The following NUP155 variants were observed in gnomAD, a reference collection of about 807,000 sequenced individuals.
The protein encoded by NUP155 is nucleoporin 155, also known as nuclear pore complex protein Nup155.
In NUP155, 71 loss-of-function variants were observed where a neutral mutation model predicts 180.4. The observed-to-expected ratio is 0.39, with a 90% confidence interval of 0.33 to 0.48. The LOEUF (loss-of-function observed/expected upper bound fraction) is 0.48. NUP155 is among the 20% of genes least tolerant of loss of function. The pLI is 0.91. For synonymous variants in NUP155, 582 were observed against 559.5 expected (o/e 1.04, Z -0.57); for missense variants, 1,553 against 1,648.9 (o/e 0.94, Z 1.01).
At chr5:37,341,448 G>C (rs1179124407) in intron 10 of NUP155, among the ~76,000 whole-genome samples, 1 of 152,006 alleles carries the variant, frequency 6.6e-6, no homozygotes, top group African/African-American at 2.4e-5. Context: ...TGCAACCTCC[G>C]CCTCCCGGGT....
intron 21 of NUP155, among the ~76,000 whole-genome samples, chr5:37,315,838 G>T (rs147035220): frequency 6.6e-6 from 1 of 152,202 alleles, no homozygotes; most frequent in Non-Finnish European, 1.5e-5. Flanking sequence ...AGCTACTCGG[G>T]AGGCTGAGGC....
intron 20 of NUP155, among the ~76,000 whole-genome samples, chr5:37,321,472 A>G (rs1744239233): frequency 6.6e-6 from 1 of 152,200 alleles, no homozygotes; most frequent in African/African-American, 2.4e-5. Flanking sequence ...TAATCCCAGC[A>G]CTTTGGGAGG....
chr5:37,363,807 G>A, intron 3 of NUP155, 81 bp downstream of exon 3: 1 of 919,692 alleles, frequency 1.1e-6, no homozygotes, highest in Non-Finnish European at 1.8e-6. Context: ...AAACCAAGCA[G>A]CTTCTAATGA....
intron 3 of NUP155, 44 bp downstream of exon 3, chr5:37,363,844 T>C (rs1179094718): frequency 7.9e-7 from 1 of 1,272,228 alleles, no homozygotes; most frequent in East Asian, 2.3e-5. Context: ...AAAGTTTATA[T>C]AAATTCCAAT....
intron 27 of NUP155, 131 bp downstream of exon 27, chr5:37,304,608 C>G: frequency 1.4e-6 from 1 of 713,996 alleles, no homozygotes; most frequent in Non-Finnish European, 2.5e-6. Context: ...CTGCATTACT[C>G]AGCTTTATAC....
Position 37,299,022 on chromosome 5 carries a change from A to G in NUP155, c.3683-44T>C, listed in dbSNP as rs1742729462. 5 of 1,088,250 alleles carry G rather than the reference A, an allele frequency of 4.6e-6. No homozygotes were observed. In the East Asian group the frequency reaches 1.2e-4, roughly 26 times the overall value. 67.4% of individuals were successfully genotyped at this position (1,088,250 alleles called of 1,614,324 possible). On this transcript the variant is annotated intron_variant, in intron 31 of 34. Coordinates refer to ENST00000231498, the MANE Select transcript of NUP155 (RefSeq NM_153485.3). ...TCATTTGAAACCCAAATTACTTTTA[A>G]TGTGAAATGTTTACATTGGTTATTT...
intron 32 of NUP155, among the ~76,000 whole-genome samples, chr5:37,295,766 C>T (rs1284599811): frequency 6.6e-6 from 1 of 151,674 alleles, no homozygotes; most frequent in East Asian, 1.9e-4. Flanking sequence ...AGACCCTCTG[C>T]CTGGCAACCG....
chr5:37,350,875 A>G (rs964508424), intron 6 of NUP155, among the ~76,000 whole-genome samples: 1 of 152,020 alleles, frequency 6.6e-6, no homozygotes, highest in Non-Finnish European at 1.5e-5. Context: ...CCAAGTGAAA[A>G]CACATATTTG....
intron 25 of NUP155, among the ~76,000 whole-genome samples, chr5:37,306,317 T>C (rs1743151714): frequency 1.3e-5 from 2 of 152,212 alleles, no homozygotes; most frequent in South Asian, 4.1e-4. Context: ...GGAGGATCAC[T>C]GGATCACTTG....
In NUP155 at chr5:37,300,026, A is replaced by G. The variant is rs937226495; in HGVS notation, c.3562-458T>C. On this transcript the variant is annotated intron_variant, in intron 30 of 34. Coordinates refer to ENST00000231498, the MANE Select transcript of NUP155 (RefSeq NM_153485.3). Reference sequence around the variant, plus strand: ...GAGAAAGACTCTGTCTCCCCCCGCCAAAAAAAAAAAAAAAGGGTAAGGGTA... The same window carrying G: ...GAGAAAGACTCTGTCTCCCCCCGCCGAAAAAAAAAAAAAAGGGTAAGGGTA... 1.5e-4 allele frequency among the ~76,000 whole-genome samples: 20 copies of G among 133,920 alleles called. No homozygotes were observed. In the East Asian group the frequency reaches 2.1e-3, roughly 14 times the overall value. 87.9% of individuals were successfully genotyped at this position (133,920 alleles called of 152,430 possible).
chr5:37,316,646 G>A (rs1743905043), intron 21 of NUP155, among the ~76,000 whole-genome samples: 1 of 151,808 alleles, frequency 6.6e-6, no homozygotes, highest in Admixed American at 6.6e-5. Flanking sequence ...TGTATTTTTG[G>A]TAGAGATGGG....
intron 21 of NUP155, among the ~76,000 whole-genome samples, chr5:37,315,574 A>AAT (rs1743831991): frequency 6.9e-6 from 1 of 144,030 alleles, no homozygotes; most frequent in Non-Finnish European, 1.5e-5. Flanking sequence ...TATATATAAA[A>AAT]GGACAGAAAA....
rs1485952631 is a variant in NUP155, at chr5:37,299,464, T to C, written c.3666A>G (p.Gln1222=). 5 of 1,614,004 alleles carry C rather than the reference T, an allele frequency of 3.1e-6. No homozygotes were observed. The highest frequency in any genetic ancestry group is 3.3e-5 in the Admixed American group (2 of 59,998). The part of the protein sequence containing the change: ...SDPILVQTLW[Q]DIIEKELSDS... ...AACACTTACCTTTCTCTATGATATC[T>C]TGCCAAAGTGTCTGCACCAATATAG... The change falls in exon 31 of 35, where the codon CAA becomes CAG. Residue 1222 remains glutamine (Q), a synonymous_variant. Transcript: ENST00000231498.
chr5:37,291,288 C>A lies in NUP155; in HGVS notation c.*612G>T. The A allele has an allele frequency of 6.5e-6, 1 of 152,834 alleles. No homozygotes were observed. Among genetic ancestry groups the A allele is most frequent in the Non-Finnish European group, 1.5e-5 (1 of 68,472 alleles). The allele number at this position is 152,834 out of a possible 1,614,324, so 9.5% of individuals were successfully genotyped here. ...ACAGAGTCTCGCCCTGTTGCCTGGG[C>A]TGGAGTGCAATGGTGCGATTTTGAC... On this transcript the variant is annotated 3_prime_UTR_variant, in exon 35 of 35. Coordinates refer to ENST00000231498, the MANE Select transcript of NUP155 (RefSeq NM_153485.3).
intron 18 of NUP155, 89 bp downstream of exon 18, chr5:37,327,540 A>T: frequency 6.9e-7 from 1 of 1,449,792 alleles, no homozygotes; most frequent in Non-Finnish European, 9.7e-7. Flanking sequence ...AATAGGAATA[A>T]ATGATGTCCC....
chr5:37,351,692 G>A (rs1746469892), intron 5 of NUP155, among the ~76,000 whole-genome samples: 1 of 151,432 alleles, frequency 6.6e-6, no homozygotes, highest in Non-Finnish European at 1.5e-5. Flanking sequence ...CTCGTGATCC[G>A]CCTGCCTCGG....
At position 37,310,598 on chromosome 5, in the gene NUP155, T is replaced by G. The variant is rs373561180; in HGVS notation, c.2582A>C (p.Asp861Ala). 2 of 1,613,464 alleles carry G rather than the reference T, an allele frequency of 1.2e-6. No homozygotes were observed. The highest frequency in any genetic ancestry group is 2.7e-5 in the African/African-American group (2 of 74,898). Residue 861 changes from aspartate to alanine, a missense_variant, in exon 23 of 35, where the codon GAT becomes GCT. Coordinates refer to ENST00000231498, the MANE Select transcript of NUP155 (RefSeq NM_153485.3). ...AGTGCTATATAGAAGTGGGCAGATA[T>G]CCTGTAAATGTAAACTAATGCCATC... ...AVDGISLHLQDICPLLYSTDD... is the reference protein window; with the variant it reads ...AVDGISLHLQAICPLLYSTDD...
chr5:37,302,105 T>C (rs216401), intron 29 of NUP155, among the ~76,000 whole-genome samples: 4,370 of 152,318 alleles, frequency 0.029, 226 homozygotes, highest in African/African-American at 0.099. Context: ...ATGGTATGTT[T>C]TTGATTCTCT....
In NUP155 at chr5:37,347,313, A is replaced by G. The variant is rs891781935; in HGVS notation, c.995+1192T>C. On this transcript the variant is annotated intron_variant, in intron 9 of 34. Coordinates refer to ENST00000231498, the MANE Select transcript of NUP155 (RefSeq NM_153485.3). ...ATGCAGTTTCCTAGTCATGATCCCT[A>G]TGTAAAGTTGCCAGGAAAAACACGT... Among the ~76,000 whole-genome samples the G allele has an allele frequency of 2.9e-5, 4 of 135,786 alleles. No individual in the cohort carries two copies. The South Asian group carries it at 8.6e-4, about 29-fold the overall frequency. The allele number at this position is 135,786 out of a possible 152,430, so 89.1% of individuals were successfully genotyped here.
Sources: allele counts gnomAD v4.1 joint callset (sites outside exome capture counted in the v4.1 genomes callset), GRCh38; gene constraint gnomAD v4.1.1; transcripts MANE v1.5; gene names NCBI Gene and HGNC (gene_info 2026-07-23, HGNC 2026-07-21).